Variants in GINS1 observed in about 807,000 individuals in gnomAD.
The protein encoded by GINS1 is GINS complex subunit 1, also known as DNA replication complex GINS protein PSF1.
A neutral mutation model predicts 34.9 loss-of-function variants in GINS1; 26 were observed. The ratio of observed to expected loss-of-function variants is 0.74; its 90% CI spans 0.55 to 1.03. GINS1 has a LOEUF of 1.03. Ranked by LOEUF, GINS1 falls within the 50% of genes least tolerant of loss-of-function variation. The pLI is 0.00. For synonymous variants in GINS1, 97 were observed against 84.4 expected (o/e 1.15, Z -0.82); for missense variants, 235 against 237.9 (o/e 0.99, Z 0.08).
At chr20:25,433,361 C>A (rs773999416) in intron 5 of GINS1, among the ~76,000 whole-genome samples, 1 of 152,020 alleles carries the variant, frequency 6.6e-6, no homozygotes, top group South Asian at 2.1e-4. Context: ...CATTACCCCC[C>A]ACAGATACCA....
intron 5 of GINS1, 113 bp downstream of exon 5, chr20:25,425,440 A>G (rs2090385527): frequency 3.7e-6 from 2 of 542,692 alleles, no homozygotes; most frequent in Non-Finnish European, 6.6e-6. Flanking sequence ...GAAAAGAAGC[A>G]TAGACCAAAT....
rs1464821604 is a variant in GINS1 at position 25,407,829 on chromosome 20, C to G, written c.9C>G (p.Cys3Trp). ...AGTGGGAAGCGTCCGCCATGTTCTG[C>G]GAAAAAGCCATGGAACTGATCCGCG... The part of the protein sequence containing the change: MF[C>W]EKAMELIREL... Residue 3 changes from cysteine to tryptophan, a missense_variant, in exon 1 of 7, where the codon TGC becomes TGG. Coordinates refer to ENST00000262460, the MANE Select transcript of GINS1 (RefSeq NM_021067.5). 6.2e-7 allele frequency: 1 copy of G among 1,613,778 alleles called. No individual in the cohort carries two copies. Among genetic ancestry groups the G allele is most frequent in the Non-Finnish European group, 8.5e-7 (1 of 1,179,770 alleles).
chr20:25,427,118 A>G (rs2090395938), intron 5 of GINS1, among the ~76,000 whole-genome samples: 1 of 152,062 alleles, frequency 6.6e-6, no homozygotes, highest in Non-Finnish European at 1.5e-5. Flanking sequence ...ACATTACGCA[A>G]GGGTTCCATT....
intron 5 of GINS1, among the ~76,000 whole-genome samples, chr20:25,435,091 A>G (rs1293865551): frequency 6.6e-6 from 1 of 152,174 alleles, no homozygotes; most frequent in African/African-American, 2.4e-5. Flanking sequence ...ATTTACCTAT[A>G]TTGAGATCTT....
At chr20:25,409,819 T>C (rs531829616) in intron 1 of GINS1, among the ~76,000 whole-genome samples, 2 of 152,156 alleles carry the variant, frequency 1.3e-5, no homozygotes, top group African/African-American at 2.4e-5. Context: ...GTAGAGATGC[T>C]TGAATGCAGA....
intron 6 of GINS1, among the ~76,000 whole-genome samples, chr20:25,443,856 G>A (rs2090496018): frequency 6.6e-6 from 1 of 152,036 alleles, no homozygotes; most frequent in African/African-American, 2.4e-5. Context: ...GCATGAAAAA[G>A]AAACAATATC....
At chr20:25,432,598 C>G (rs1259980090) in intron 5 of GINS1, among the ~76,000 whole-genome samples, 2 of 152,044 alleles carry the variant, frequency 1.3e-5, no homozygotes, top group Non-Finnish European at 2.9e-5. Flanking sequence ...TCCCGAGTAG[C>G]TGGGATTACA....
intron 6 of GINS1, among the ~76,000 whole-genome samples, chr20:25,445,546 A>AC (rs1289166559): frequency 6.6e-6 from 1 of 152,062 alleles, no homozygotes; most frequent in African/African-American, 2.4e-5. Context: ...ACGGGGTTTC[A>AC]CCGTGTTAGC....
chr20:25,444,709 T>C lies in GINS1; in HGVS notation c.523-1214T>C, dbSNP rs532095909. Among the ~76,000 whole-genome samples, 4 of 152,336 alleles carry C rather than the reference T, an allele frequency of 2.6e-5. No homozygotes were observed. In the East Asian group the frequency reaches 7.7e-4, roughly 29 times the overall value. ...GGCAGTCAGTGTTTTCTGTAAGTCC[T>C]GGTATTTGAGAGGGAAGGAGACATC... is the stretch of plus-strand genomic sequence containing the variant. On this transcript the variant is annotated intron_variant, in intron 6 of 6. Coordinates refer to ENST00000262460, the MANE Select transcript of GINS1 (RefSeq NM_021067.5).
At position 25,417,183 on chromosome 20, in the gene GINS1, C is replaced by T. The variant is rs372527591; in HGVS notation, c.220C>T (p.Arg74Cys). The change falls in exon 3 of 7, where the codon CGC (arginine) becomes TGC (cysteine). Residue 74 changes from arginine to cysteine, a missense_variant. Physicochemically the swap from Arg to Cys is radical, Grantham distance 180. Transcript: ENST00000262460. ...ACACTGTTCTCTGTTAAGAAATCGA[C>T]GCTGCACTGTAGCATACCTGTAAGC... ...FRHCSLLRNR[R>C]CTVAYLYDRL... 1.1e-5 allele frequency: 18 copies of T among 1,565,980 alleles called. No homozygotes were observed. Among genetic ancestry groups the T allele is most frequent in the African/African-American group, 2.7e-5 (2 of 73,950 alleles).
intron 5 of GINS1, among the ~76,000 whole-genome samples, chr20:25,438,950 G>A (rs6037118): frequency 1.7e-3 from 260 of 152,242 alleles, no homozygotes; most frequent in Middle Eastern, 6.8e-3. Flanking sequence ...TTGAAAAGTG[G>A]CAAGTTAGAG....
chr20:25,425,275 A>G lies in GINS1; in HGVS notation c.395A>G (p.Glu132Gly). Residue 132 changes from glutamate to glycine, a missense_variant, in exon 5 of 7, where the codon GAA becomes GGA. By Grantham distance (98) the Glu-to-Gly change is moderately conservative (BLOSUM62 -2). Coordinates refer to ENST00000262460, the MANE Select transcript of GINS1 (RefSeq NM_021067.5). ...TATATGAGGTCACTGGGAGGAGATG[A>G]AGGTTTGGACATTACACAGGATATG... Reference protein sequence around the residue: ...ATYMRSLGGDEGLDITQDMKP... With the variant: ...ATYMRSLGGDGGLDITQDMKP... 4 of 1,576,436 alleles carry G rather than the reference A, an allele frequency of 2.5e-6. No individual in the cohort carries two copies. Among genetic ancestry groups the G allele is most frequent in the Non-Finnish European group, 3.5e-6 (4 of 1,146,134 alleles).
At chr20:25,432,033 C>T (rs570502849) in intron 5 of GINS1, among the ~76,000 whole-genome samples, 1 of 151,792 alleles carries the variant, frequency 6.6e-6, no homozygotes, top group Admixed American at 6.6e-5. Flanking sequence ...CCTCCATGCC[C>T]AGCTAATTTT....
In GINS1 at chr20:25,441,787, T is replaced by A. The variant is rs372460196; in HGVS notation, c.522+11T>A. ...AAAAAAAATAGCCAGGTATTTCTTATCTTCAGATTCTTTACTTTAAATCTT... is the reference window on the plus strand; with the variant it reads ...AAAAAAAATAGCCAGGTATTTCTTAACTTCAGATTCTTTACTTTAAATCTT... On this transcript the variant is annotated intron_variant, in intron 6 of 6. Coordinates refer to ENST00000262460, the MANE Select transcript of GINS1 (RefSeq NM_021067.5). The A allele has an allele frequency of 2.3e-6, 3 of 1,311,886 alleles. No individual in the cohort carries two copies. The highest frequency in any genetic ancestry group is 1.5e-5 in the African/African-American group (1 of 68,020). The allele number at this position is 1,311,886 out of a possible 1,614,324, so 81.3% of individuals were successfully genotyped here.
intron 5 of GINS1, among the ~76,000 whole-genome samples, chr20:25,431,726 A>T (rs2090428047): frequency 6.6e-6 from 1 of 150,780 alleles, no homozygotes. Flanking sequence ...GTGCGCCACC[A>T]CGCCCGGCTA....
intron 4 of GINS1, among the ~76,000 whole-genome samples, chr20:25,422,242 C>G (rs1168933083): frequency 6.6e-6 from 1 of 152,070 alleles, no homozygotes; most frequent in African/African-American, 2.4e-5. Context: ...TCACTACCCT[C>G]CTGACTTTTG....
chr20:25,445,062 A>G (rs1216794287), intron 6 of GINS1, among the ~76,000 whole-genome samples: 4 of 152,252 alleles, frequency 2.6e-5, no homozygotes, highest in Non-Finnish European at 5.9e-5. Context: ...TATAAACACT[A>G]AGTACAATAC....
intron 2 of GINS1, 77 bp from the exon 3 acceptor site, chr20:25,417,027 C>T (rs906621165): frequency 4.5e-6 from 3 of 664,846 alleles, no homozygotes; most frequent in South Asian, 3.5e-5. Flanking sequence ...GCATGTAACT[C>T]AGTTGTTAGT....
intron 1 of GINS1, among the ~76,000 whole-genome samples, chr20:25,410,734 T>A (rs1248702991): frequency 6.6e-6 from 1 of 151,978 alleles, no homozygotes; most frequent in Non-Finnish European, 1.5e-5. Flanking sequence ...GATAATTTTA[T>A]GTATTTTTAG....
Sources: gnomAD v4.1 joint callset for allele counts (sites outside exome capture counted in the v4.1 genomes callset) on GRCh38, gnomAD v4.1.1 for gene constraint, MANE v1.5 for transcripts, NCBI Gene and HGNC (gene_info 2026-07-23, HGNC 2026-07-21) for gene names.